ACSS1: variants seen among roughly 807,000 people sequenced by gnomAD.
The protein encoded by ACSS1 is acyl-CoA synthetase short chain family member 1.
Under a neutral mutation model 75.3 loss-of-function variants are expected in ACSS1, and 42 were observed. That is an observed-to-expected ratio of 0.56 (90% CI 0.44 to 0.72). The LOEUF (loss-of-function observed/expected upper bound fraction) is 0.72, where lower values mean the gene tolerates loss of function less well. Among genes scored for constraint, ACSS1 ranks in the 30% least tolerant of loss-of-function variants. The pLI is 0.00. For missense variants in ACSS1, 782 were observed against 935.7 expected, an observed-to-expected ratio of 0.84 and a Z score of 2.14; for synonymous variants, 380 against 376.8, an observed-to-expected ratio of 1.01 and a Z score of -0.10.
chr20:25,032,956 G>A (rs1285485319), intron 2 of ACSS1, among the ~76,000 whole-genome samples: 1 of 152,232 alleles, frequency 6.6e-6, no homozygotes, highest in African/African-American at 2.4e-5. Context: ...GCTTTCAGAA[G>A]GAGGACAAAG....
Position 25,014,045 on chromosome 20 carries a change from C to T in ACSS1, c.1368G>A (p.Arg456=). Residue 456 remains arginine (R), a synonymous_variant, in exon 9 of 14, where the codon CGG becomes CGA. Coordinates refer to ENST00000323482, the MANE Select transcript of ACSS1 (RefSeq NM_032501.4). ...TETGGICIAP[R]PSEEGAEILP... Reference sequence around the variant, plus strand: ...GGATTTCCGCCCCTTCTTCCGAGGGCCGTGGTGCGATGCAGATGCCACCTG... The same window carrying T: ...GGATTTCCGCCCCTTCTTCCGAGGGTCGTGGTGCGATGCAGATGCCACCTG... 1.9e-6 allele frequency: 3 copies of T among 1,612,294 alleles called. No individual in the cohort carries two copies. In the South Asian group the frequency reaches 3.3e-5, roughly 18 times the overall value.
rs777587427 is a variant in ACSS1 at position 25,013,950 on chromosome 20, C to T, written c.1452+11G>A. ...GCACATGACCCCCATGTGGGGGAGG[C>T]CCATACACACCTTCTCATCCATGAG... On this transcript the variant is annotated intron_variant, in intron 9 of 13. Transcript: ENST00000323482. 1.2e-5 allele frequency: 20 copies of T among 1,610,174 alleles called. No homozygotes were observed. The highest frequency in any genetic ancestry group is 2.7e-5 in the African/African-American group (2 of 74,848).
intron 2 of ACSS1, among the ~76,000 whole-genome samples, chr20:25,040,026 G>A (rs556171246): frequency 2.6e-5 from 4 of 152,344 alleles, no homozygotes; most frequent in Admixed American, 1.3e-4. Context: ...CAGAACATTC[G>A]CCCCTGGCTG....
chr20:25,038,928 C>A (rs1294146385), intron 2 of ACSS1, among the ~76,000 whole-genome samples: 11 of 152,196 alleles, frequency 7.2e-5, no homozygotes, highest in Admixed American at 7.2e-4. Flanking sequence ...CCACTGCCAG[C>A]ACAGGAAACC....
At chr20:25,022,268 GGA>G (rs2088636623) in intron 5 of ACSS1, among the ~76,000 whole-genome samples, 1 of 152,146 alleles carries the variant, frequency 6.6e-6, no homozygotes, top group Non-Finnish European at 1.5e-5. Flanking sequence ...AGCTGAGACA[GGA>G]GAGTCACTTG....
intron 2 of ACSS1, among the ~76,000 whole-genome samples, chr20:25,041,607 AG>A (rs1210394857): frequency 3.9e-5 from 6 of 152,268 alleles, no homozygotes; most frequent in African/African-American, 1.4e-4. Flanking sequence ...CTTCCACAAA[AG>A]TGGCCCCATT....
At chr20:25,041,047 A>G (rs891992730) in intron 2 of ACSS1, among the ~76,000 whole-genome samples, 2 of 152,174 alleles carry the variant, frequency 1.3e-5, no homozygotes, top group Admixed American at 6.5e-5. Context: ...TCACGAAGTC[A>G]GGAGATTGAG....
rs963622908 is a variant in ACSS1, at chr20:25,007,150, C to T, written c.*612G>A. ...CAAGGGAACTGTTTAGACAGAGGTA[C>T]AAACATCTCCAATTCAGACTTCCAA... On this transcript the variant is annotated 3_prime_UTR_variant, in exon 14 of 14. Coordinates refer to ENST00000323482, the MANE Select transcript of ACSS1 (RefSeq NM_032501.4). 1.6e-5 allele frequency: 21 copies of T among 1,326,626 alleles called. No individual in the cohort carries two copies. Among genetic ancestry groups the T allele is most frequent in the Non-Finnish European group, 1.9e-5 (20 of 1,039,060 alleles). 82.2% of individuals were successfully genotyped at this position (1,326,626 alleles called of 1,614,324 possible).
chr20:25,027,839 A>G (rs994863060), intron 3 of ACSS1, among the ~76,000 whole-genome samples: 3 of 151,982 alleles, frequency 2.0e-5, no homozygotes, highest in Non-Finnish European at 4.4e-5. Context: ...AAGTAAAACT[A>G]TATTCAGAGA....
chr20:25,050,645 G>A (rs1290662616), intron 1 of ACSS1, among the ~76,000 whole-genome samples: 1 of 152,060 alleles, frequency 6.6e-6, no homozygotes, highest in Non-Finnish European at 1.5e-5. Flanking sequence ...GAAGCAGGAA[G>A]GGCTCGAACC....
chr20:25,008,669 T>A (rs1408926892), intron 13 of ACSS1, among the ~76,000 whole-genome samples: 1 of 152,202 alleles, frequency 6.6e-6, no homozygotes, highest in Non-Finnish European at 1.5e-5. Context: ...AATCCTCCCC[T>A]GATTCTGACC....
Position 25,013,996 on chromosome 20 carries a change from A to T in ACSS1, c.1417T>A (p.Phe473Ile), listed in dbSNP as rs879468846. ...ATGAGGACGGGGACGATGCCAAAGA[A>T]GGGCCTCATCGCCATGGCAGGGAGG... ...EILPAMAMRP[F>I]FGIVPVLMDE... The change falls in exon 9 of 14, where the codon TTC (phenylalanine) becomes ATC (isoleucine). Residue 473 changes from phenylalanine (F) to isoleucine (I), a missense_variant. This residue lies in a region of ACSS1 where 405 missense variants were observed against 552.6 expected (regional missense o/e 0.73). Coordinates refer to ENST00000323482, the MANE Select transcript of ACSS1 (RefSeq NM_032501.4). 5.0e-6 allele frequency: 8 copies of T among 1,613,820 alleles called. No individual in the cohort carries two copies. The highest frequency in any genetic ancestry group is 4.2e-6 in the Non-Finnish European group (5 of 1,179,944).
chr20:25,046,984 C>T (rs1302844564), intron 2 of ACSS1: 31 of 771,934 alleles, frequency 4.0e-5, no homozygotes, highest in Non-Finnish European at 7.2e-5. Flanking sequence ...CCTGAGGGCT[C>T]CTGGGGGCCG....
rs949722636 is a variant in ACSS1, at chr20:25,057,999, C to A, written c.104G>T (p.Arg35Leu). The change falls in exon 1 of 14, where the codon CGC (arginine) becomes CTC (leucine). Residue 35 changes from arginine to leucine, a missense_variant. Coordinates refer to ENST00000323482, the MANE Select transcript of ACSS1 (RefSeq NM_032501.4). ...ARPPCGVSAPRRAASGPSGSA... is the reference protein window; with the variant it reads ...ARPPCGVSAPLRAASGPSGSA... ...GCCCGAGGGTCCCGAGGCCGCCCTG[C>A]GCGGCGCGCTCACCCCGCACGGCGG... 75 of 1,498,978 alleles carry A rather than the reference C, an allele frequency of 5.0e-5. No individual in the cohort carries two copies. The highest frequency in any genetic ancestry group is 6.5e-5 in the Non-Finnish European group (73 of 1,125,212). 92.9% of individuals were successfully genotyped at this position (1,498,978 alleles called of 1,614,324 possible).
At chr20:25,009,191 G>C in intron 13 of ACSS1, 79 bp downstream of exon 13, 1 of 1,238,544 alleles carries the variant, frequency 8.1e-7, no homozygotes, top group Non-Finnish European at 1.2e-6. Flanking sequence ...AGAGTAATAT[G>C]CTCCTAAAAG....
Position 25,051,425 on chromosome 20 carries a change from G to C in ACSS1, c.335-3244C>G, listed in dbSNP as rs1448526974. On this transcript the variant is annotated intron_variant, in intron 1 of 13. Transcript: ENST00000323482. ...AGGGAGCAGACCTCTTCTTGTCTTT[G>C]TGGCTTCATCCCTTAAGTAGAAGAC... 2.6e-5 allele frequency among the ~76,000 whole-genome samples: 4 copies of C among 152,196 alleles called. No homozygotes were observed. In the South Asian group the frequency reaches 8.3e-4, roughly 32 times the overall value.
At chr20:25,024,940 C>T (rs1286914655) in intron 3 of ACSS1, among the ~76,000 whole-genome samples, 1 of 152,198 alleles carries the variant, frequency 6.6e-6, no homozygotes, top group African/African-American at 2.4e-5. Context: ...CACTCTTTGG[C>T]CTTCAAGCCT....
intron 2 of ACSS1, among the ~76,000 whole-genome samples, chr20:25,040,159 A>G (rs1401782200): frequency 6.6e-6 from 1 of 152,196 alleles, no homozygotes; most frequent in Non-Finnish European, 1.5e-5. Flanking sequence ...GTTAAAAAAA[A>G]AACCACAGGA....
intron 8 of ACSS1, among the ~76,000 whole-genome samples, chr20:25,014,551 G>A (rs971240573): frequency 6.6e-6 from 1 of 152,204 alleles, no homozygotes; most frequent in East Asian, 1.9e-4. Context: ...ACTGTCCCAT[G>A]GGAACGCCTC....
Sources: gnomAD v4.1 joint callset for allele counts (sites outside exome capture counted in the v4.1 genomes callset) on GRCh38, gnomAD v4.1.1 for gene constraint, gnomAD v4.1.1 regional missense constraint, MANE v1.5 for transcripts, NCBI Gene and HGNC (gene_info 2026-07-23, HGNC 2026-07-21) for gene names.